KLHL13: variants seen among roughly 807,000 people sequenced by gnomAD.
The protein encoded by KLHL13 is kelch-like protein 13.
In KLHL13, 10 loss-of-function variants were observed where a neutral mutation model predicts 37.1. The ratio of observed to expected loss-of-function variants is 0.27; its 90% CI spans 0.17 to 0.46. KLHL13 has a LOEUF of 0.46. KLHL13 is among the 20% of genes least tolerant of loss of function. The pLI is 1.00. For missense variants in KLHL13, 360 were observed against 509.3 expected, an observed-to-expected ratio of 0.71 and a Z score of 2.82; for synonymous variants, 163 against 181.2, an observed-to-expected ratio of 0.90 and a Z score of 0.81.
chrX:118,093,947 C>T (rs768978857), intron 1 of KLHL13, among the ~76,000 whole-genome samples: 2 of 109,018 alleles, frequency 1.8e-5, no homozygotes, highest in South Asian at 4.1e-4. Flanking sequence ...CCAACGTGAG[C>T]GACACAGAAG....
chrX:118,048,440 T>C (rs767738781), intron 1 of KLHL13, among the ~76,000 whole-genome samples: 1 of 111,239 alleles, frequency 9.0e-6, no homozygotes, highest in African/African-American at 3.3e-5. Flanking sequence ...AATGCAATTG[T>C]GGAAGGATAC....
chrX:117,908,215 T>A (rs1277966125), intron 5 of KLHL13, among the ~76,000 whole-genome samples: 1 of 108,774 alleles, frequency 9.2e-6, no homozygotes, highest in Non-Finnish European at 1.9e-5. Flanking sequence ...TGTCTTTCTG[T>A]CTTTTTTGTA....
At chrX:117,999,304 C>A (rs1056191700) in intron 1 of KLHL13, among the ~76,000 whole-genome samples, 3 of 111,146 alleles carry the variant, frequency 2.7e-5, no homozygotes, top group African/African-American at 9.8e-5. Flanking sequence ...AAATGTCCAA[C>A]AATGAGAGAC....
intron 1 of KLHL13, among the ~76,000 whole-genome samples, chrX:118,069,965 C>T (rs1283121719): frequency 9.0e-6 from 1 of 111,589 alleles, no homozygotes; most frequent in African/African-American, 3.3e-5. Flanking sequence ...TCTTTTATAC[C>T]ATATTTTACC....
At chrX:118,068,129 A>G (rs1214447128) in intron 1 of KLHL13, among the ~76,000 whole-genome samples, 1 of 111,309 alleles carries the variant, frequency 9.0e-6, no homozygotes, top group Non-Finnish European at 1.9e-5. Flanking sequence ...ACAATTTCGT[A>G]GGCAGTTAAT....
At chrX:118,101,501 A>G (rs2055288584) in intron 1 of KLHL13, among the ~76,000 whole-genome samples, 1 of 111,846 alleles carries the variant, frequency 8.9e-6, no homozygotes, top group African/African-American at 3.3e-5. Flanking sequence ...CTATGGAAAT[A>G]CATGAAAGAA....
At chrX:117,940,670 G>A (rs1178741192) in intron 2 of KLHL13, among the ~76,000 whole-genome samples, 1 of 111,502 alleles carries the variant, frequency 9.0e-6, no homozygotes, top group African/African-American at 3.3e-5. Context: ...TCGCTTGTAA[G>A]TTGGATTCCT....
At chrX:118,015,870 T>C (rs1225627901) in intron 1 of KLHL13, among the ~76,000 whole-genome samples, 2 of 111,407 alleles carry the variant, frequency 1.8e-5, no homozygotes, top group Admixed American at 9.6e-5. Context: ...ACCCTCTTAT[T>C]ATTTTTATTG....
intron 2 of KLHL13, among the ~76,000 whole-genome samples, chrX:117,943,787 G>A (rs913564277): frequency 5.5e-5 from 6 of 109,300 alleles, no homozygotes; most frequent in East Asian, 2.9e-4. Flanking sequence ...CCTTTAGCTC[G>A]GAGGAGTTTG....
rs1303491615 is a variant in KLHL13 at position 118,090,942 on chromosome X, G to A, written c.-56+25566C>T. On this transcript the variant is annotated intron_variant, in intron 1 of 6. Coordinates refer to the KLHL13 transcript ENST00000371882. Reference sequence around the variant, plus strand: ...GCACATATACACCATGGAATACTATGCAGTCATAAAAAATGATGAGTTCAT... The same window carrying A: ...GCACATATACACCATGGAATACTATACAGTCATAAAAAATGATGAGTTCAT... Among the ~76,000 whole-genome samples, 10 of 107,960 alleles carry A rather than the reference G, an allele frequency of 9.3e-5. No homozygotes were observed. The East Asian group carries it at 2.4e-3, about 25-fold the overall frequency. 93.8% of individuals were successfully genotyped at this position (107,960 alleles called of 115,157 possible).
rs1045827655 is a variant in KLHL13, at chrX:117,920,412, T to A, written c.241-42A>T. On this transcript the variant is annotated intron_variant, in intron 2 of 6. Coordinates refer to ENST00000262820, the Ensembl canonical transcript of KLHL13. ...AGTTGAGTCACTAATCAAGGTAAAATGAGGTTACAAATCTTCGTGTGCTAA... is the reference window on the plus strand; with the variant it reads ...AGTTGAGTCACTAATCAAGGTAAAAAGAGGTTACAAATCTTCGTGTGCTAA... The A allele has an allele frequency of 2.6e-6, 3 of 1,175,103 alleles. No homozygotes were observed. In the African/African-American group the frequency reaches 5.4e-5, roughly 21 times the overall value.
intron 1 of KLHL13, among the ~76,000 whole-genome samples, chrX:118,015,832 A>C (rs2054122142): frequency 9.0e-6 from 1 of 111,359 alleles, no homozygotes. Flanking sequence ...ATGTATAAAA[A>C]GTAACTGGTC....
chrX:117,907,071 T>C (rs1365166167), intron 5 of KLHL13, among the ~76,000 whole-genome samples: 1 of 111,739 alleles, frequency 8.9e-6, no homozygotes, highest in African/African-American at 3.2e-5. Context: ...CATGATTTCC[T>C]TGTTTCTTTT....
chrX:117,930,242 G>GAGGAAGGAAGGAAGGAAGGAAGGAAGGA (rs757311737), intron 2 of KLHL13, among the ~76,000 whole-genome samples: 1 of 62,992 alleles, frequency 1.6e-5, no homozygotes, highest in African/African-American at 7.9e-5. Flanking sequence ...GGAAGGAAGG[G>GAGGAAGGAAGGAAGGAAGGAAGGAAGGA]AGGAAGGAAG....
chrX:118,096,880 G>C (rs920184731), intron 1 of KLHL13, among the ~76,000 whole-genome samples: 5 of 111,229 alleles, frequency 4.5e-5, no homozygotes, highest in Admixed American at 9.6e-5. Flanking sequence ...ATTCAGCAAC[G>C]CTTCATGCTA....
intron 1 of KLHL13, among the ~76,000 whole-genome samples, chrX:118,081,620 T>C (rs1284362430): frequency 9.0e-6 from 1 of 111,675 alleles, no homozygotes; most frequent in Non-Finnish European, 1.9e-5. Flanking sequence ...CTTCTAGCTA[T>C]TTTGAAATAT....
At chrX:117,970,292 G>T (rs963535583) in intron 1 of KLHL13, among the ~76,000 whole-genome samples, 3 of 111,731 alleles carry the variant, frequency 2.7e-5, no homozygotes, top group African/African-American at 9.7e-5. Context: ...TGCTACACAA[G>T]CATACGTACA....
intron 1 of KLHL13, among the ~76,000 whole-genome samples, chrX:118,045,130 T>C (rs1472694303): frequency 9.0e-6 from 1 of 110,922 alleles, no homozygotes; most frequent in Non-Finnish European, 1.9e-5. Flanking sequence ...TCCCAGCACT[T>C]TGAGAGGCCA....
intron 1 of KLHL13, among the ~76,000 whole-genome samples, chrX:117,997,819 C>T (rs1418867741): frequency 9.0e-6 from 1 of 111,655 alleles, no homozygotes; most frequent in African/African-American, 3.3e-5. Flanking sequence ...ATCTATTTTA[C>T]TAGTTTGTAA....
Sources: allele counts gnomAD v4.1 joint callset (sites outside exome capture counted in the v4.1 genomes callset), GRCh38; gene constraint gnomAD v4.1.1; transcripts MANE v1.5; gene names NCBI Gene and HGNC (gene_info 2026-07-23, HGNC 2026-07-21).